Variants in SUZ12 observed in about 807,000 individuals in gnomAD.
SUZ12 encodes SUZ12 polycomb repressive complex 2 subunit, also known as polycomb protein SUZ12.
A neutral mutation model predicts 87.3 loss-of-function variants in SUZ12; 17 were observed. The ratio of observed to expected loss-of-function variants is 0.19; its 90% CI spans 0.13 to 0.29. The LOEUF (loss-of-function observed/expected upper bound fraction) is 0.29, where lower values mean the gene tolerates loss of function less well. SUZ12 is among the 10% of genes least tolerant of loss of function. The pLI is 1.00. For missense variants in SUZ12, 526 were observed against 912.2 expected (o/e 0.58, Z 5.45); for synonymous variants, 253 against 312.4 (o/e 0.81, Z 2.01).
intron 8 of SUZ12, among the ~76,000 whole-genome samples, chr17:31,982,689 G>GTACT (rs897952812): frequency 2.8e-4 from 42 of 152,114 alleles, no homozygotes; most frequent in African/African-American, 1.0e-3. Flanking sequence ...AATAAAGCCT[G>GTACT]TACTTACGCT....
intron 3 of SUZ12, among the ~76,000 whole-genome samples, chr17:31,943,336 A>C (rs1025591518): frequency 3.3e-5 from 5 of 152,250 alleles, no homozygotes; most frequent in Non-Finnish European, 5.9e-5. Flanking sequence ...GTAGGTACTT[A>C]ATTTTAAAAG....
Position 31,983,172 on chromosome 17 carries a change from C to T in SUZ12, c.1023+68C>T. The T allele has an allele frequency of 2.7e-6, 4 of 1,475,476 alleles. No homozygotes were observed. The East Asian group carries it at 6.9e-5, about 26-fold the overall frequency. 91.4% of individuals were successfully genotyped at this position (1,475,476 alleles called of 1,614,324 possible). On this transcript the variant is annotated intron_variant, in intron 9 of 15. Coordinates refer to ENST00000322652, the MANE Select transcript of SUZ12 (RefSeq NM_015355.4). ...TCCCATTTTTGACTGATGTTTTCTT[C>T]CCCAAATGCTAATTCATGTTGGAAG...
At position 31,984,824 on chromosome 17, in the gene SUZ12, G is replaced by A. The variant is rs141881902; in HGVS notation, c.1023+1720G>A. Among the ~76,000 whole-genome samples, 407 of 152,308 alleles carry A rather than the reference G, an allele frequency of 2.7e-3. 1 individual carries two copies. The highest frequency in any genetic ancestry group is 8.6e-3 in the African/African-American group (359 of 41,568). ...TGACAGTTTCTAGTGTTTTAGGGAC[G>A]TGAGGACACATATACTCTCAAATAA... On this transcript the variant is annotated intron_variant, in intron 9 of 15. Transcript: ENST00000322652.
In SUZ12 at chr17:31,937,272, G is replaced by A; in HGVS notation, c.26G>A (p.Gly9Glu). 7.2e-7 allele frequency: 1 copy of A among 1,392,832 alleles called. No homozygotes were observed. The highest frequency in any genetic ancestry group is 9.2e-7 in the Non-Finnish European group (1 of 1,084,312). 86.3% of individuals were successfully genotyped at this position (1,392,832 alleles called of 1,614,324 possible). ...ATGGCGCCTCAGAAGCACGGCGGTG[G>A]GGGAGGGGGCGGCTCGGGGCCCAGC... is the stretch of plus-strand genomic sequence containing the variant. MAPQKHGG[G>E]GGGGSGPSAG... The change falls in exon 1 of 16, where the codon GGG (glycine) becomes GAG (glutamate). Residue 9 changes from glycine to glutamate, a missense_variant. This residue lies in a region of SUZ12 where 92 missense variants were observed against 109.9 expected (regional missense o/e 0.84). Transcript: ENST00000322652.
chr17:31,950,510 C>G (rs1010965289), intron 4 of SUZ12, among the ~76,000 whole-genome samples: 11 of 151,978 alleles, frequency 7.2e-5, no homozygotes, highest in African/African-American at 2.7e-4. Flanking sequence ...AGGGGAAAAC[C>G]CTTTCTCTAC....
intron 10 of SUZ12, among the ~76,000 whole-genome samples, chr17:31,989,594 TTTTTTTTG>T (rs1433422201): frequency 1.1e-5 from 1 of 89,784 alleles, no homozygotes; most frequent in Non-Finnish European, 2.0e-5. Context: ...TTTTTTTTTG[TTTTTTTTG>T]TTTTTTTGTT....
chr17:31,992,529 C>T (rs1322019223), intron 10 of SUZ12, among the ~76,000 whole-genome samples: 1 of 152,020 alleles, frequency 6.6e-6, no homozygotes, highest in Admixed American at 6.6e-5. Flanking sequence ...CCTGCCTCAG[C>T]CTCCCGAGTA....
intron 4 of SUZ12, among the ~76,000 whole-genome samples, chr17:31,957,702 C>T (rs1907438790): frequency 6.6e-6 from 1 of 151,754 alleles, no homozygotes; most frequent in African/African-American, 2.4e-5. Flanking sequence ...TAAGCCACTG[C>T]CCCCAGCCAG....
chr17:31,951,937 A>C (rs989478264), intron 4 of SUZ12, among the ~76,000 whole-genome samples: 12 of 150,414 alleles, frequency 8.0e-5, no homozygotes, highest in Non-Finnish European at 1.2e-4. Flanking sequence ...ACCACGTCCA[A>C]CTAATTTTTG....
At position 31,951,069 on chromosome 17, in the gene SUZ12, C is replaced by T. The variant is rs955501993; in HGVS notation, c.455+3384C>T. The stretch of plus-strand genomic sequence containing the variant: ...TGCTGGGATTACAGGCGTGAGCCAC[C>T]GCGCCCGGCATATATTCTTTGTACT... On this transcript the variant is annotated intron_variant, in intron 4 of 15. Transcript: ENST00000322652. Among the ~76,000 whole-genome samples the T allele has an allele frequency of 4.6e-5, 7 of 152,190 alleles. 1 individual carries two copies. Among genetic ancestry groups the T allele is most frequent in the South Asian group, 4.2e-4 (2 of 4,818 alleles).
chr17:31,974,634 G>A (rs1227962062), intron 6 of SUZ12, among the ~76,000 whole-genome samples: 1 of 152,070 alleles, frequency 6.6e-6, no homozygotes, highest in African/African-American at 2.4e-5. Flanking sequence ...AATGTATCGG[G>A]GTAATCATTT....
intron 4 of SUZ12, among the ~76,000 whole-genome samples, chr17:31,957,116 C>G (rs575477605): frequency 1.4e-4 from 21 of 152,284 alleles, no homozygotes; most frequent in African/African-American, 4.8e-4. Context: ...GAGTCTTGCT[C>G]CATTGCCCGG....
At chr17:31,956,778 G>GTA (rs200229557) in intron 4 of SUZ12, among the ~76,000 whole-genome samples, 65 of 150,870 alleles carry the variant, frequency 4.3e-4, no homozygotes, top group Admixed American at 4.0e-3. Flanking sequence ...ATGTATATAT[G>GTA]TATATATATA....
At chr17:31,983,544 C>T (rs1465844790) in intron 9 of SUZ12, among the ~76,000 whole-genome samples, 1 of 151,898 alleles carries the variant, frequency 6.6e-6, no homozygotes, top group African/African-American at 2.4e-5. Flanking sequence ...CCTCCCAAAG[C>T]GCTGGGATTA....
intron 9 of SUZ12, among the ~76,000 whole-genome samples, chr17:31,987,424 T>A (rs1442564756): frequency 6.6e-6 from 1 of 152,152 alleles, no homozygotes; most frequent in Non-Finnish European, 1.5e-5. Flanking sequence ...GGTTGAGTGA[T>A]TCGGTCAGAT....
In SUZ12 at chr17:31,988,570, ATT is replaced by A. The variant is rs957275375; in HGVS notation, c.1201+75_1201+76del. ...TAGGTCTTGTGCTTTAGATTAATTC[ATT>A]TGTGTTTTGCTTTATGTGATTCTTC... On this transcript the variant is annotated intron_variant, in intron 10 of 15. Transcript: ENST00000322652. The A allele has an allele frequency of 5.8e-6, 8 of 1,370,180 alleles. No homozygotes were observed. The Admixed American group carries it at 2.3e-4, about 40-fold the overall frequency. 84.9% of individuals were successfully genotyped at this position (1,370,180 alleles called of 1,614,324 possible).
At chr17:31,945,601 C>T (rs1249145940) in intron 3 of SUZ12, among the ~76,000 whole-genome samples, 1 of 152,160 alleles carries the variant, frequency 6.6e-6, no homozygotes, top group African/African-American at 2.4e-5. Flanking sequence ...ATCTGACCTA[C>T]AGTAACATTA....
At chr17:31,973,020 T>G in intron 5 of SUZ12, 126 bp from the exon 6 acceptor site, 1 of 743,570 alleles carries the variant, frequency 1.3e-6, no homozygotes, top group Non-Finnish European at 2.1e-6. Flanking sequence ...GAAAAAAGAA[T>G]GAGTGAACTT....
intron 1 of SUZ12, among the ~76,000 whole-genome samples, chr17:31,938,382 G>C (rs1363642180): frequency 1.3e-5 from 2 of 152,136 alleles, no homozygotes; most frequent in East Asian, 3.8e-4. Context: ...ACAGAAACTT[G>C]AATAAACTTG....
Sources: allele counts gnomAD v4.1 joint callset (sites outside exome capture counted in the v4.1 genomes callset), GRCh38; gene constraint gnomAD v4.1.1; regional missense constraint gnomAD v4.1.1; transcripts MANE v1.5; gene names NCBI Gene and HGNC (gene_info 2026-07-23, HGNC 2026-07-21).